Variants in CACNA1A observed in about 807,000 individuals in gnomAD.
CACNA1A encodes the protein calcium voltage-gated channel subunit alpha1 A.
In CACNA1A, 57 loss-of-function variants were observed where a neutral mutation model predicts 262.4. That is an observed-to-expected ratio of 0.22 (90% CI 0.18 to 0.27). The LOEUF (loss-of-function observed/expected upper bound fraction) is 0.27. Ranked by LOEUF, CACNA1A falls within the 10% of genes least tolerant of loss-of-function variation. CACNA1A has a pLI of 1.00. For synonymous variants in CACNA1A, 1,431 were observed against 1,419.3 expected, an observed-to-expected ratio of 1.01 and a Z score of -0.18; for missense variants, 2,526 against 3,562.8, an observed-to-expected ratio of 0.71 and a Z score of 7.41.
intron 1 of CACNA1A, among the ~76,000 whole-genome samples, chr19:13,464,229 A>G (rs1035869000): frequency 1.3e-5 from 2 of 152,168 alleles, no homozygotes; most frequent in Non-Finnish European, 2.9e-5. Context: ...CTCTACAAAA[A>G]TACATTTAAA....
At chr19:13,336,594 G>GGAGAGAGAGGGAGAGAGAGGGAGAGGGA (rs1555768093) in intron 6 of CACNA1A, among the ~76,000 whole-genome samples, 31 of 65,506 alleles carry the variant, frequency 4.7e-4, no homozygotes, top group African/African-American at 1.6e-3. Context: ...AGAGAGAGAG[G>GGAGAGAGAGGGAGAGAGAGGGAGAGGGA]GAGAGAGAGA....
chr19:13,310,848 T>G (rs973732691), intron 12 of CACNA1A, among the ~76,000 whole-genome samples: 1 of 151,740 alleles, frequency 6.6e-6, no homozygotes, highest in African/African-American at 2.4e-5. Context: ...TGGAGTGCAG[T>G]GGTGCAATCT....
At position 13,241,552 on chromosome 19, in the gene CACNA1A, G is replaced by T; in HGVS notation, c.4950+3630C>A. The T allele has an allele frequency of 7.6e-7, 1 of 1,324,144 alleles. No individual in the cohort carries two copies. Among genetic ancestry groups the T allele is most frequent in the Non-Finnish European group, 1.1e-6 (1 of 948,842 alleles). 82.0% of individuals were successfully genotyped at this position (1,324,144 alleles called of 1,614,324 possible). On this transcript the variant is annotated intron_variant, in intron 31 of 46. Transcript: ENST00000360228. The surrounding 1 kb of genome is among the most constrained non-coding windows in gnomAD (Gnocchi z 4.0). ...CTAGATGCAGATGTTGAAGATGAGG[G>T]GGAGCGGGCGGGCGGGGGCAGTTGG... is the stretch of plus-strand genomic sequence containing the variant.
rs1156845458 is a variant in CACNA1A, at chr19:13,308,031, G to C, written c.1913+89C>G. The C allele has an allele frequency of 6.5e-7, 1 of 1,545,698 alleles. No individual in the cohort carries two copies. The highest frequency in any genetic ancestry group is 1.4e-5 in the African/African-American group (1 of 73,350). On this transcript the variant is annotated intron_variant, in intron 14 of 46. Coordinates refer to ENST00000360228, the MANE Select transcript of CACNA1A (RefSeq NM_001127222.2). The surrounding 1 kb of genome is among the most constrained non-coding windows in gnomAD (Gnocchi z 4.2). ...ACCGCAATGGGTGTCTGGGCTACGAGGAAGGCAGCCTGCACGGTGGAGGGG... is the reference window on the plus strand; with the variant it reads ...ACCGCAATGGGTGTCTGGGCTACGACGAAGGCAGCCTGCACGGTGGAGGGG...
At chr19:13,425,505 G>T (rs78986983) in intron 3 of CACNA1A, among the ~76,000 whole-genome samples, 8,776 of 152,204 alleles carry the variant, frequency 0.058, 499 homozygotes, top group East Asian at 0.26. Context: ...ATTTACTCCC[G>T]TCTTTCCATT....
chr19:13,255,721 T>C (rs1264111656), intron 28 of CACNA1A, among the ~76,000 whole-genome samples: 79 of 51,620 alleles, frequency 1.5e-3, no homozygotes, highest in African/African-American at 5.8e-3. Context: ...CCCTCCCTCC[T>C]TCTCTCCCTC....
rs2057408806 is a variant in CACNA1A at position 13,286,724 on chromosome 19, G to A, written c.3332C>T (p.Ala1111Val). 3.8e-6 allele frequency: 6 copies of A among 1,597,900 alleles called. No individual in the cohort carries two copies. Among genetic ancestry groups the A allele is most frequent in the Non-Finnish European group, 5.1e-6 (6 of 1,171,020 alleles). The change falls in exon 20 of 47, where the codon GCC (alanine) becomes GTC (valine). Residue 1111 changes from alanine to valine, a missense_variant. Ala to Val is a moderately conservative substitution (Grantham distance 64). Coordinates refer to ENST00000360228, the MANE Select transcript of CACNA1A (RefSeq NM_001127222.2). Reference protein sequence around the residue: ...TDPGPMLAIPAMATNPQNAAS... With the variant: ...TDPGPMLAIPVMATNPQNAAS... ...GGCGTTCTGGGGGTTGGTGGCCATG[G>A]CAGGGATGGCCAGCATGGGGCCGGG... is the stretch of plus-strand genomic sequence containing the variant.
intron 36 of CACNA1A, chr19:13,228,573 G>T: frequency 4.0e-6 from 1 of 248,212 alleles, no homozygotes. Flanking sequence ...GCAAGAAAGA[G>T]AGATGGCTCT....
intron 27 of CACNA1A, 180 bp downstream of exon 27, chr19:13,259,384 C>T: frequency 5.5e-6 from 1 of 182,228 alleles, no homozygotes. Flanking sequence ...GATGGCCAGG[C>T]TGATCTCAAA....
chr19:13,497,488 CAAAAAAAAAAAAAAAAAAAAAAA>C (rs59964256), intron 1 of CACNA1A, among the ~76,000 whole-genome samples: 4 of 3,988 alleles, frequency 1.0e-3, no homozygotes, highest in Non-Finnish European at 1.2e-3. Context: ...AACTCCATCT[CAAAAAAAAAAAAAAAAAAAAAAA>C]AAAAAAAAAA....
At chr19:13,359,938 G>A in intron 5 of CACNA1A, 139 bp from the exon 6 acceptor site, 2 of 454,120 alleles carry the variant, frequency 4.4e-6, no homozygotes, top group Non-Finnish European at 7.5e-6. Flanking sequence ...AGAGATCAAT[G>A]TTTGGCTTTG....
chr19:13,339,999 T>C (rs2058649181), intron 6 of CACNA1A, among the ~76,000 whole-genome samples: 1 of 152,162 alleles, frequency 6.6e-6, no homozygotes, highest in Admixed American at 6.5e-5. Context: ...CCTCTCTCCA[T>C]CACTTTGGCG....
intron 32 of CACNA1A, 121 bp downstream of exon 32, chr19:13,235,493 T>C (rs2055843781): frequency 2.5e-6 from 2 of 802,916 alleles, no homozygotes. Flanking sequence ...GCCTTGGAGA[T>C]AACAGATTCT....
At chr19:13,481,106 G>C (rs1056688299) in intron 1 of CACNA1A, among the ~76,000 whole-genome samples, 4 of 152,086 alleles carry the variant, frequency 2.6e-5, no homozygotes, top group African/African-American at 9.7e-5. Flanking sequence ...GCACTGAAAG[G>C]ATGAGCTAAA....
At chr19:13,227,590 CAG>C (rs2055505494) in intron 36 of CACNA1A, 63 bp from the exon 37 acceptor site, 1 of 861,510 alleles carries the variant, frequency 1.2e-6, no homozygotes, top group Non-Finnish European at 1.8e-6. Context: ...GGAATGGGAA[CAG>C]AGAACCAAAG....
At chr19:13,427,498 A>C (rs1195963349) in intron 3 of CACNA1A, among the ~76,000 whole-genome samples, 1 of 151,890 alleles carries the variant, frequency 6.6e-6, no homozygotes, top group African/African-American at 2.4e-5. Context: ...ATAAATAAAG[A>C]GTTCCCCCTA....
Position 13,317,125 on chromosome 19 carries a change from G to C in CACNA1A, c.1542C>G (p.Leu514=). ...GGTGATACTCACAAAGGAAGTCGGA[G>C]AGCCACTCGGGCTGGTTGTAGTGAA... ...AIVHYNQPEW[L]SDFLYYAEFI... is the part of the protein sequence containing the mutation. Residue 514 remains leucine (L), a synonymous_variant, in exon 11 of 47, where the codon CTC becomes CTG. Coordinates refer to ENST00000360228, the MANE Select transcript of CACNA1A (RefSeq NM_001127222.2). The C allele has an allele frequency of 3.1e-6, 5 of 1,605,738 alleles. No individual in the cohort carries two copies. Among genetic ancestry groups the C allele is most frequent in the Non-Finnish European group, 4.3e-6 (5 of 1,173,084 alleles).
chr19:13,490,457 G>T (rs888785652), intron 1 of CACNA1A, among the ~76,000 whole-genome samples: 4 of 152,070 alleles, frequency 2.6e-5, no homozygotes, highest in African/African-American at 9.7e-5. Flanking sequence ...GCAAAAATTA[G>T]CTGGGTGTGG....
Position 13,371,675 on chromosome 19 carries a change from G to A in CACNA1A, c.631+13C>T, listed in dbSNP as rs2059325911. 1 of 1,558,292 alleles carries A rather than the reference G, an allele frequency of 6.4e-7. No homozygotes were observed. The highest frequency in any genetic ancestry group is 1.2e-5 in the South Asian group (1 of 84,510). ...GTGAGCAAACCCCTTGTCAGGGTCG[G>A]AAACTCACGCACTTGGGATTCCAGA... On this transcript the variant is annotated intron_variant, in intron 4 of 46. Transcript: ENST00000360228.
Sources: gnomAD v4.1 joint callset for allele counts (sites outside exome capture counted in the v4.1 genomes callset) on GRCh38, gnomAD v4.1.1 for gene constraint, Gnocchi (gnomAD v3.1) non-coding constraint, MANE v1.5 for transcripts, NCBI Gene and HGNC (gene_info 2026-07-23, HGNC 2026-07-21) for gene names.